The following PPHLN1 variants were observed in gnomAD, a reference collection of about 807,000 sequenced individuals.
PPHLN1 encodes periphilin 1, also known as periphilin-1.
Under a neutral mutation model 51.3 loss-of-function variants are expected in PPHLN1, and 29 were observed. The observed-to-expected ratio is 0.57, with a 90% confidence interval of 0.42 to 0.77. The LOEUF is 0.77. PPHLN1 is among the 30% of genes least tolerant of loss of function. The pLI, the probability that PPHLN1 is intolerant of heterozygous loss-of-function variation, is 0.00. For synonymous variants in PPHLN1, 147 were observed against 147.8 expected, an observed-to-expected ratio of 0.99 and a Z score of 0.04; for missense variants, 436 against 438.4, an observed-to-expected ratio of 0.99 and a Z score of 0.05.
intron 4 of PPHLN1, among the ~76,000 whole-genome samples, chr12:42,372,123 A>G (rs1194990851): frequency 6.6e-6 from 1 of 152,136 alleles, no homozygotes; most frequent in Non-Finnish European, 1.5e-5. Context: ...CACTATATAC[A>G]TTATATAATA....
At chr12:42,328,153 C>T (rs2069096431) in intron 1 of PPHLN1, among the ~76,000 whole-genome samples, 1 of 151,948 alleles carries the variant, frequency 6.6e-6, no homozygotes, top group African/African-American at 2.4e-5. Flanking sequence ...TGAGTTGGGC[C>T]TTGATGGACC....
intron 2 of PPHLN1, among the ~76,000 whole-genome samples, chr12:42,343,044 C>T (rs1408431137): frequency 1.3e-5 from 2 of 152,172 alleles, no homozygotes; most frequent in African/African-American, 4.8e-5. Flanking sequence ...GGATGCATAT[C>T]AGTTCCACCT....
chr12:42,421,341 T>TATTG (rs368017376), intron 9 of PPHLN1, among the ~76,000 whole-genome samples: 3,587 of 152,046 alleles, frequency 0.024, 145 homozygotes, highest in African/African-American at 0.082. Flanking sequence ...ATCTTTATTT[T>TATTG]ATTGATTGAT....
At chr12:42,378,233 A>G (rs999441769) in intron 5 of PPHLN1, among the ~76,000 whole-genome samples, 13 of 152,112 alleles carry the variant, frequency 8.5e-5, no homozygotes, top group Non-Finnish European at 1.5e-4. Context: ...AGTATTCCTT[A>G]ACTACTTGGG....
intron 9 of PPHLN1, among the ~76,000 whole-genome samples, chr12:42,430,970 T>C (rs1433606832): frequency 2.0e-5 from 3 of 152,250 alleles, no homozygotes; most frequent in Non-Finnish European, 4.4e-5. Flanking sequence ...GTATTTTCAG[T>C]AGTTCCAGTT....
At chr12:42,340,240 T>A (rs2071266207) in intron 2 of PPHLN1, among the ~76,000 whole-genome samples, 1 of 151,408 alleles carries the variant, frequency 6.6e-6, no homozygotes, top group Admixed American at 6.6e-5. Context: ...GCCCAGGAAG[T>A]TGAGGCTGCA....
At chr12:42,361,468 C>T (rs1565824506) in intron 4 of PPHLN1, 1 of 152,104 alleles carries the variant, frequency 6.6e-6, no homozygotes, top group Non-Finnish European at 1.5e-5. Flanking sequence ...GAACATTCTC[C>T]TCACCTCTTT....
At chr12:42,352,471 G>A (rs1261785739) in intron 3 of PPHLN1, among the ~76,000 whole-genome samples, 2 of 150,418 alleles carry the variant, frequency 1.3e-5, no homozygotes, top group African/African-American at 4.9e-5. Context: ...GTGCAGTGGC[G>A]CGATCTCGGC....
chr12:42,350,271 T>A (rs1182273308), intron 2 of PPHLN1: 1 of 149,366 alleles, frequency 6.7e-6, no homozygotes, highest in Admixed American at 7.0e-5. Flanking sequence ...GCAGAGGTGC[T>A]CCCCACATCC....
downstream of PPHLN1, chr12:42,444,942 A>C: frequency 1.5e-6 from 1 of 646,552 alleles, no homozygotes; most frequent in East Asian, 2.7e-5. Context: ...ATTTACTAGT[A>C]CTCAGAGAGC....
At chr12:42,413,551 TG>T (rs1168235239) in intron 9 of PPHLN1, among the ~76,000 whole-genome samples, 1 of 151,366 alleles carries the variant, frequency 6.6e-6, no homozygotes, top group African/African-American at 2.4e-5. Flanking sequence ...TGTGTGTGTG[TG>T]TGTGTGTGTG....
chr12:42,419,771 G>A (rs571200031), intron 9 of PPHLN1, among the ~76,000 whole-genome samples: 1 of 152,224 alleles, frequency 6.6e-6, no homozygotes, highest in South Asian at 2.1e-4. Flanking sequence ...GGATATGAGT[G>A]GCTAATTTCC....
chr12:42,340,992 T>TTC (rs2071407968), intron 2 of PPHLN1, among the ~76,000 whole-genome samples: 1 of 150,994 alleles, frequency 6.6e-6, no homozygotes, highest in Non-Finnish European at 1.5e-5. Context: ...TCTTTTTTTT[T>TTC]TTTTTTGAGA....
rs1295872079 is a variant in PPHLN1, at chr12:42,375,218, A to G, written c.511+144A>G. 5 of 653,426 alleles carry G rather than the reference A, an allele frequency of 7.7e-6. No individual in the cohort carries two copies. In the African/African-American group the frequency reaches 9.1e-5, roughly 12 times the overall value. 40.5% of individuals were successfully genotyped at this position (653,426 alleles called of 1,614,324 possible). A position where few individuals can be genotyped will look rare whatever the true frequency, so the allele number is the denominator to read the frequency against. ...TTCAAACTTACAGAAAAGATGGTAG[A>G]ATAGTATAACAAACACCATACACAC... On this transcript the variant is annotated intron_variant, in intron 5 of 9. Coordinates refer to ENST00000358314, the MANE Select transcript of PPHLN1 (RefSeq NM_201439.2).
chr12:42,384,954 G>A lies in PPHLN1; in HGVS notation c.526G>A (p.Gly176Ser), dbSNP rs763250965. The stretch of plus-strand genomic sequence containing the variant: ...CCTTTCCATAGAGTCCGTGCGTCCT[G>A]GTGCCTCCTACAAACGGCAGAATGA... ...QSQHRKSVRP[G>S]ASYKRQNEGN... Residue 176 changes from glycine (G) to serine (S), a missense_variant, in exon 6 of 10, where the codon GGT (glycine) becomes AGT (serine). Gly to Ser is a moderately conservative substitution (Grantham distance 56). Transcript: ENST00000358314. 6.2e-7 allele frequency: 1 copy of A among 1,611,268 alleles called. No homozygotes were observed. Among genetic ancestry groups the A allele is most frequent in the South Asian group, 1.1e-5 (1 of 91,044 alleles).
chr12:42,374,941 C>A lies in PPHLN1; in HGVS notation c.378C>A (p.Asp126Glu), dbSNP rs759771792. ...YARERSPYKR[D>E]NTFFRESPVG... ...GAGAGCGGTCTCCTTATAAAAGGGA[C>A]AATACTTTTTTCAGAGAATCACCTG... Residue 126 changes from aspartate (D) to glutamate (E), a missense_variant, in exon 5 of 10, where the codon GAC becomes GAA. Transcript: ENST00000358314. 1 of 1,613,116 alleles carries A rather than the reference C, an allele frequency of 6.2e-7. No individual in the cohort carries two copies. The highest frequency in any genetic ancestry group is 1.7e-5 in the Admixed American group (1 of 59,882).
At chr12:42,373,527 T>G (rs2075986703) in intron 4 of PPHLN1, among the ~76,000 whole-genome samples, 1 of 152,238 alleles carries the variant, frequency 6.6e-6, no homozygotes, top group South Asian at 2.1e-4. Context: ...TTCCAAGCAC[T>G]TGAAATTGTA....
rs565738830 is a variant in PPHLN1, at chr12:42,339,541, G to A, written c.72+3567G>A. Among the ~76,000 whole-genome samples, 5 of 150,956 alleles carry A rather than the reference G, an allele frequency of 3.3e-5. No homozygotes were observed. In the South Asian group the frequency reaches 6.3e-4, roughly 19 times the overall value. Reference sequence around the variant, plus strand: ...GTAGATTCTTAACCTTTTTTTGTGCGATGGATCCCTTTAGCTGTCTGGTGA... The same window carrying A: ...GTAGATTCTTAACCTTTTTTTGTGCAATGGATCCCTTTAGCTGTCTGGTGA... On this transcript the variant is annotated intron_variant, in intron 2 of 9. Transcript: ENST00000358314.
At chr12:42,339,464 A>T (rs1336173121) in intron 2 of PPHLN1, among the ~76,000 whole-genome samples, 3 of 152,142 alleles carry the variant, frequency 2.0e-5, no homozygotes, top group Non-Finnish European at 4.4e-5. Context: ...TGGCTCTTGA[A>T]AATTATCCCC....
Sources: gnomAD v4.1 joint callset for allele counts (sites outside exome capture counted in the v4.1 genomes callset) on GRCh38, gnomAD v4.1.1 for gene constraint, MANE v1.5 for transcripts, NCBI Gene and HGNC (gene_info 2026-07-23, HGNC 2026-07-21) for gene names.